The following KCTD8 variants were observed in gnomAD, a reference collection of about 807,000 sequenced individuals.
KCTD8 encodes BTB/POZ domain-containing protein KCTD8.
In KCTD8, 27 loss-of-function variants were observed where a neutral mutation model predicts 31.5. The ratio of observed to expected loss-of-function variants is 0.86; its 90% confidence interval spans 0.63 to 1.18. The LOEUF (loss-of-function observed/expected upper bound fraction) is 1.18, where lower values mean the gene tolerates loss of function less well. Among genes scored for constraint, KCTD8 ranks in the 50% most tolerant of loss-of-function variants. KCTD8 has a pLI of 0.00. For missense variants in KCTD8, 658 were observed against 647.7 expected, an observed-to-expected ratio of 1.02 and a Z score of -0.17; for synonymous variants, 290 against 280.0, an observed-to-expected ratio of 1.04 and a Z score of -0.36.
chr4:44,351,694 T>C (rs1030266612), intron 1 of KCTD8, among the ~76,000 whole-genome samples: 1 of 152,024 alleles, frequency 6.6e-6, no homozygotes, highest in African/African-American at 2.4e-5. Flanking sequence ...ATCAATATGG[T>C]ACAATAGAAC....
intron 1 of KCTD8, among the ~76,000 whole-genome samples, chr4:44,291,231 AAC>A (rs1433810662): frequency 6.6e-6 from 1 of 152,136 alleles, no homozygotes; most frequent in Non-Finnish European, 1.5e-5. Context: ...CATTCCTGGA[AAC>A]ACAAAATCTT....
intron 1 of KCTD8, among the ~76,000 whole-genome samples, chr4:44,395,797 G>A (rs143020133): frequency 5.1e-4 from 77 of 152,060 alleles, no homozygotes; most frequent in African/African-American, 1.4e-3. Context: ...GGTTCCACCC[G>A]CATTTGAGGA....
chr4:44,329,882 G>A (rs1276818688), intron 1 of KCTD8, among the ~76,000 whole-genome samples: 3 of 151,770 alleles, frequency 2.0e-5, no homozygotes, highest in South Asian at 2.1e-4. Context: ...TTTAGCTATA[G>A]TAGACAACAG....
intron 1 of KCTD8, among the ~76,000 whole-genome samples, chr4:44,362,443 T>C (rs1299539392): frequency 1.3e-5 from 2 of 152,130 alleles, no homozygotes; most frequent in Non-Finnish European, 2.9e-5. Context: ...AAGCAGTATT[T>C]GTTCCAAATA....
chr4:44,363,929 C>T (rs994650504), intron 1 of KCTD8, among the ~76,000 whole-genome samples: 43 of 151,682 alleles, frequency 2.8e-4, no homozygotes, highest in African/African-American at 1.0e-3. Context: ...ATACCTTTAA[C>T]CAAAAAATCA....
At chr4:44,342,516 A>G (rs1382006920) in intron 1 of KCTD8, among the ~76,000 whole-genome samples, 4 of 152,154 alleles carry the variant, frequency 2.6e-5, no homozygotes, top group Non-Finnish European at 5.9e-5. Flanking sequence ...CGTCAAGTAT[A>G]TTTAGCATAA....
At chr4:44,355,676 G>A (rs55755428) in intron 1 of KCTD8, among the ~76,000 whole-genome samples, 92 of 152,144 alleles carry the variant, frequency 6.0e-4, no homozygotes, top group African/African-American at 2.1e-3. Context: ...TCTGTGTAGC[G>A]TATTTAGATA....
intron 1 of KCTD8, among the ~76,000 whole-genome samples, chr4:44,356,296 C>A (rs1719339308): frequency 1.3e-5 from 2 of 152,284 alleles, no homozygotes; most frequent in African/African-American, 4.8e-5. Context: ...TTAAGAATGA[C>A]TGATGTGGTC....
rs1560419455 is a variant in KCTD8 at position 44,299,765 on chromosome 4, TC to T, written c.962-124516del. 2.1e-5 allele frequency among the ~76,000 whole-genome samples: 3 copies of T among 140,960 alleles called. No homozygotes were observed. The South Asian group carries it at 7.1e-4, about 33-fold the overall frequency. 92.5% of individuals were successfully genotyped at this position (140,960 alleles called of 152,430 possible). A position where few individuals can be genotyped will look rare whatever the true frequency, so the allele number is the denominator to read the frequency against. On this transcript the variant is annotated intron_variant, in intron 1 of 1. Coordinates refer to ENST00000360029, the MANE Select transcript of KCTD8 (RefSeq NM_198353.3). ...GTGGTGCCTTAGGTGATTTTTTTTTTCCTTTTCTTTTTTTTTTTTTGGAGAC... is the reference window on the plus strand; with the variant it reads ...GTGGTGCCTTAGGTGATTTTTTTTTTCTTTTCTTTTTTTTTTTTTGGAGAC...
chr4:44,265,406 CA>C (rs1490193929), intron 1 of KCTD8, among the ~76,000 whole-genome samples: 2 of 152,076 alleles, frequency 1.3e-5, no homozygotes, highest in East Asian at 3.9e-4. Flanking sequence ...TCACCATCAT[CA>C]AAGACCAAAA....
intron 1 of KCTD8, among the ~76,000 whole-genome samples, chr4:44,348,108 A>C (rs1287782667): frequency 6.6e-6 from 1 of 152,214 alleles, no homozygotes; most frequent in East Asian, 1.9e-4. Flanking sequence ...TAGAAGGACA[A>C]GGTAAAGACC....
At chr4:44,319,206 G>A (rs886676676) in intron 1 of KCTD8, among the ~76,000 whole-genome samples, 5 of 152,160 alleles carry the variant, frequency 3.3e-5, no homozygotes, top group Non-Finnish European at 7.3e-5. Context: ...GAAATACTGA[G>A]GTTTCAATTG....
chr4:44,200,792 G>A (rs1017038582), intron 1 of KCTD8, among the ~76,000 whole-genome samples: 1 of 151,980 alleles, frequency 6.6e-6, no homozygotes, highest in Non-Finnish European at 1.5e-5. Flanking sequence ...ACATAGTACT[G>A]AAAGTCCTAA....
chr4:44,404,687 G>A (rs1360625068), intron 1 of KCTD8, among the ~76,000 whole-genome samples: 1 of 152,056 alleles, frequency 6.6e-6, no homozygotes, highest in Non-Finnish European at 1.5e-5. Flanking sequence ...AAAATAATGA[G>A]ACAGAAAAAT....
chr4:44,180,434 C>G (rs1453925535), intron 1 of KCTD8, among the ~76,000 whole-genome samples: 1 of 152,108 alleles, frequency 6.6e-6, no homozygotes, highest in East Asian at 1.9e-4. Flanking sequence ...TGATTATTTG[C>G]TATTAAATAA....
intron 1 of KCTD8, among the ~76,000 whole-genome samples, chr4:44,315,188 A>G (rs1337578844): frequency 6.6e-6 from 1 of 151,804 alleles, no homozygotes; most frequent in East Asian, 1.9e-4. Context: ...ACAAATTGTA[A>G]TTTCTTTTTT....
At chr4:44,360,810 TA>T (rs979909701) in intron 1 of KCTD8, among the ~76,000 whole-genome samples, 1 of 151,992 alleles carries the variant, frequency 6.6e-6, no homozygotes, top group Non-Finnish European at 1.5e-5. Flanking sequence ...AAATATCTCT[TA>T]AAAATGCAAT....
chr4:44,371,340 C>A (rs1719780751), intron 1 of KCTD8, among the ~76,000 whole-genome samples: 1 of 152,094 alleles, frequency 6.6e-6, no homozygotes, highest in Non-Finnish European at 1.5e-5. Context: ...TATCACTTAG[C>A]CCAGTCAAGT....
At chr4:44,225,815 C>CT (rs35751540) in intron 1 of KCTD8, among the ~76,000 whole-genome samples, 2,340 of 74,380 alleles carry the variant, frequency 0.031, 196 homozygotes, top group African/African-American at 0.11. Flanking sequence ...GGTTTTGTCT[C>CT]TTTTTTTTTT....
Sources: gnomAD v4.1 joint callset for allele counts (sites outside exome capture counted in the v4.1 genomes callset) on GRCh38, gnomAD v4.1.1 for gene constraint, MANE v1.5 for transcripts, NCBI Gene and HGNC (gene_info 2026-07-23, HGNC 2026-07-21) for gene names.